Variants in MAN1C1 observed in about 807,000 individuals in gnomAD.
MAN1C1 encodes the protein mannosidase alpha class 1C member 1.
MAN1C1 carries 49 observed loss-of-function variants against 71.5 expected under a neutral mutation model. That is an observed-to-expected ratio of 0.69 (90% CI 0.54 to 0.87). The LOEUF (loss-of-function observed/expected upper bound fraction) is 0.87, where lower values mean the gene tolerates loss of function less well. MAN1C1 is among the 40% of genes least tolerant of loss of function. The pLI, the probability that MAN1C1 is intolerant of heterozygous loss-of-function variation, is 0.00. For synonymous variants in MAN1C1, 352 were observed against 343.7 expected (o/e 1.02, Z -0.27); for missense variants, 743 against 835.0 (o/e 0.89, Z 1.36).
intron 2 of MAN1C1, among the ~76,000 whole-genome samples, chr1:25,736,889 G>A (rs960824736): frequency 1.6e-4 from 24 of 152,348 alleles, no homozygotes; most frequent in African/African-American, 5.3e-4. Flanking sequence ...CACACAGCAA[G>A]GATGGATGAG....
rs1192060344 is a variant in MAN1C1, at chr1:25,778,682, C to T, written c.1477+358C>T. Among the ~76,000 whole-genome samples, 1 of 152,136 alleles carries T rather than the reference C, an allele frequency of 6.6e-6. No homozygotes were observed. Among genetic ancestry groups the T allele is most frequent in the Non-Finnish European group, 1.5e-5 (1 of 68,018 alleles). ...CCTCCAGCCCCGGAGGCAGAAACGG[C>T]GGCTTCCTGAGCCCGGCACATGTCC... On this transcript the variant is annotated intron_variant, in intron 9 of 11. Coordinates refer to ENST00000374332, the MANE Select transcript of MAN1C1 (RefSeq NM_020379.4). This position sits in a 1 kb window ranked among gnomAD's most constrained non-coding sequence, Gnocchi z 5.5.
At chr1:25,756,020 C>T (rs1487325882) in intron 5 of MAN1C1, among the ~76,000 whole-genome samples, 6 of 152,148 alleles carry the variant, frequency 3.9e-5, no homozygotes, top group South Asian at 2.1e-4. Context: ...TCTGTGGCCT[C>T]GCCCTCATTC....
At chr1:25,623,929 A>C (rs943988194) in intron 1 of MAN1C1, among the ~76,000 whole-genome samples, 1 of 152,318 alleles carries the variant, frequency 6.6e-6, no homozygotes, top group Admixed American at 6.5e-5. Context: ...GGGGCCATGC[A>C]TGGAGCAGGG....
intron 2 of MAN1C1, among the ~76,000 whole-genome samples, chr1:25,745,856 T>C (rs2124335552): frequency 1.3e-5 from 2 of 151,730 alleles, no homozygotes; most frequent in East Asian, 3.9e-4. Flanking sequence ...CTGAGTGTGG[T>C]AGCATGCATC....
rs1218678424 is a variant in MAN1C1 at position 25,735,424 on chromosome 1, GTGTA to G, written c.638-11232_638-11229del. 1.3e-5 allele frequency among the ~76,000 whole-genome samples: 2 copies of G among 152,006 alleles called. No individual in the cohort carries two copies. Among genetic ancestry groups the G allele is most frequent in the Non-Finnish European group, 1.5e-5 (1 of 67,994 alleles). On this transcript the variant is annotated intron_variant, in intron 2 of 11. Transcript: ENST00000374332. This position sits in a 1 kb window ranked among gnomAD's most constrained non-coding sequence, Gnocchi z 4.6. ...ACAGAGCGAGACTGTGTCTCAAAAT[GTGTA>G]TGTATGTATGTGTATGTATATATAT...
intron 8 of MAN1C1, chr1:25,772,442 G>A (rs1337786735): frequency 6.6e-6 from 1 of 152,418 alleles, no homozygotes; most frequent in Non-Finnish European, 1.5e-5. Context: ...GACGAAAGAG[G>A]GAATCAGTTA....
chr1:25,675,879 A>G (rs780807056), intron 1 of MAN1C1, among the ~76,000 whole-genome samples: 1 of 152,218 alleles, frequency 6.6e-6, no homozygotes, highest in Admixed American at 6.5e-5. Context: ...ACTGAGACTT[A>G]CAGGGGTTAA....
intron 2 of MAN1C1, among the ~76,000 whole-genome samples, chr1:25,731,872 A>T (rs1198622237): frequency 6.6e-6 from 1 of 152,054 alleles, no homozygotes; most frequent in Non-Finnish European, 1.5e-5. Flanking sequence ...GCTCTGTTCT[A>T]TGTCAGGGTT....
intron 2 of MAN1C1, among the ~76,000 whole-genome samples, chr1:25,716,756 AAATGT>A (rs1197046465): frequency 6.6e-6 from 1 of 152,202 alleles, no homozygotes; most frequent in African/African-American, 2.4e-5. Flanking sequence ...TAATGCAATA[AAATGT>A]ATTTCAACAC....
At chr1:25,743,149 C>A (rs1020454796) in intron 2 of MAN1C1, among the ~76,000 whole-genome samples, 9 of 152,194 alleles carry the variant, frequency 5.9e-5, no homozygotes, top group African/African-American at 2.2e-4. Flanking sequence ...AACTTTGATG[C>A]TTAGAGCAGA....
At chr1:25,645,458 C>T (rs956366787) in intron 1 of MAN1C1, 13 of 152,218 alleles carry the variant, frequency 8.5e-5, no homozygotes, top group African/African-American at 3.1e-4. Flanking sequence ...CATCTCTGGC[C>T]TGGCCACACA....
intron 2 of MAN1C1, among the ~76,000 whole-genome samples, chr1:25,721,951 G>A (rs181543049): frequency 2.6e-5 from 4 of 152,280 alleles, no homozygotes; most frequent in Admixed American, 2.6e-4. Flanking sequence ...GCACCATCCA[G>A]TAGCTTCCTG....
intron 1 of MAN1C1, among the ~76,000 whole-genome samples, chr1:25,679,811 C>T (rs1421388333): frequency 6.6e-6 from 1 of 151,314 alleles, no homozygotes; most frequent in Non-Finnish European, 1.5e-5. Context: ...ATAATGTCCT[C>T]TACCCTTAAA....
Position 25,776,362 on chromosome 1 carries a change from C to G in MAN1C1, c.1258-1743C>G, listed in dbSNP as rs1054629900. On this transcript the variant is annotated intron_variant, in intron 8 of 11. Coordinates refer to ENST00000374332, the MANE Select transcript of MAN1C1 (RefSeq NM_020379.4). The surrounding 1 kb of genome is among the most constrained non-coding windows in gnomAD (Gnocchi z 4.3). ...GGTCAGGAGTTCAAGACCAGCCTGG[C>G]CAACATGGTGAAACCCCATCTCTAC... Among the ~76,000 whole-genome samples the G allele has an allele frequency of 2.0e-5, 3 of 152,024 alleles. No individual in the cohort carries two copies. The highest frequency in any genetic ancestry group is 7.2e-5 in the African/African-American group (3 of 41,398).
intron 2 of MAN1C1, among the ~76,000 whole-genome samples, chr1:25,688,918 T>C (rs570352678): frequency 6.6e-6 from 1 of 152,094 alleles, no homozygotes; most frequent in Non-Finnish European, 1.5e-5. Flanking sequence ...GTCTCAGGAG[T>C]AGCCTTGGCA....
chr1:25,679,600 C>G (rs1228763192), intron 1 of MAN1C1, among the ~76,000 whole-genome samples: 2 of 148,324 alleles, frequency 1.3e-5, no homozygotes, highest in East Asian at 2.0e-4. Context: ...GGAAAAGTTA[C>G]AAAAATCTAG....
At chr1:25,659,243 C>T in intron 1 of MAN1C1, 1 of 152,254 alleles carries the variant, frequency 6.6e-6, no homozygotes, top group East Asian at 1.9e-4. Context: ...CCAGGGTTAT[C>T]TCCCCACACT....
At chr1:25,749,632 C>T (rs1014776567) in intron 4 of MAN1C1, among the ~76,000 whole-genome samples, 1 of 152,236 alleles carries the variant, frequency 6.6e-6, no homozygotes, top group African/African-American at 2.4e-5. Flanking sequence ...TCCTCCTTTA[C>T]TCTCTGATCC....
chr1:25,778,036 A>G lies in MAN1C1; in HGVS notation c.1258-69A>G, dbSNP rs1200270300. On this transcript the variant is annotated intron_variant, in intron 8 of 11. Transcript: ENST00000374332. This position sits in a 1 kb window ranked among gnomAD's most constrained non-coding sequence, Gnocchi z 5.5. The stretch of plus-strand genomic sequence containing the variant: ...ACTGTCTCCAAAATGTTCATTTTCC[A>G]TCCTTTCCCCCCCTTCTCTGTGCCC... The G allele has an allele frequency of 2.4e-6, 3 of 1,229,400 alleles. No homozygotes were observed. The highest frequency in any genetic ancestry group is 2.2e-4 in the Middle Eastern group (1 of 4,650). The allele number at this position is 1,229,400 out of a possible 1,614,324, so 76.2% of individuals were successfully genotyped here.
Sources: gnomAD v4.1 joint callset for allele counts (sites outside exome capture counted in the v4.1 genomes callset) on GRCh38, gnomAD v4.1.1 for gene constraint, Gnocchi (gnomAD v3.1) non-coding constraint, MANE v1.5 for transcripts, NCBI Gene and HGNC (gene_info 2026-07-23, HGNC 2026-07-21) for gene names.